Variants in CA10 observed in about 807,000 individuals in gnomAD.
The protein encoded by CA10 is carbonic anhydrase 10 (inactive), also known as carbonic anhydrase-related protein 10.
A neutral mutation model predicts 44.2 loss-of-function variants in CA10; 14 were observed. The observed-to-expected ratio is 0.32, with a 90% CI of 0.21 to 0.50. The LOEUF (loss-of-function observed/expected upper bound fraction) is 0.50, where lower values mean the gene tolerates loss of function less well. Among genes scored for constraint, CA10 ranks in the 20% least tolerant of loss-of-function variants. The pLI, the probability that CA10 is intolerant of heterozygous loss-of-function variation, is 0.99. For synonymous variants in CA10, 159 were observed against 141.6 expected, an observed-to-expected ratio of 1.12 and a Z score of -0.87; for missense variants, 350 against 409.7, an observed-to-expected ratio of 0.85 and a Z score of 1.26.
intron 3 of CA10, among the ~76,000 whole-genome samples, chr17:51,800,421 G>A (rs1266506643): frequency 1.3e-5 from 2 of 152,006 alleles, no homozygotes; most frequent in Non-Finnish European, 2.9e-5. Context: ...TCATGGTGGT[G>A]GTTGCACAAC....
intron 1 of CA10, among the ~76,000 whole-genome samples, chr17:52,112,639 T>C (rs1988810934): frequency 6.6e-6 from 1 of 152,220 alleles, no homozygotes; most frequent in Non-Finnish European, 1.5e-5. Flanking sequence ...ATGAACACTA[T>C]CTACCACTTA....
At chr17:51,720,932 G>A (rs759778053) in intron 4 of CA10, among the ~76,000 whole-genome samples, 1 of 152,146 alleles carries the variant, frequency 6.6e-6, no homozygotes, top group South Asian at 2.1e-4. Flanking sequence ...TGAGGTGATG[G>A]ATATGTCAAT....
At chr17:51,845,883 T>G (rs1978472577) in intron 3 of CA10, among the ~76,000 whole-genome samples, 2 of 152,202 alleles carry the variant, frequency 1.3e-5, no homozygotes, top group Non-Finnish European at 2.9e-5. Context: ...TGATCTGAAG[T>G]TTCTCATATT....
At chr17:51,705,929 G>A (rs527431144) in intron 4 of CA10, among the ~76,000 whole-genome samples, 1 of 152,156 alleles carries the variant, frequency 6.6e-6, no homozygotes, top group Non-Finnish European at 1.5e-5. Context: ...TGGTTAAGTA[G>A]TTGAAAAAGC....
intron 1 of CA10, among the ~76,000 whole-genome samples, chr17:52,115,916 ACT>A (rs2143299334): frequency 6.6e-6 from 1 of 152,130 alleles, no homozygotes; most frequent in African/African-American, 2.4e-5. Context: ...ACATGATGAA[ACT>A]CTGTCTCTAC....
In CA10 at chr17:52,081,472, T is replaced by C. The variant is rs1323111764; in HGVS notation, c.62-9079A>G. 3.3e-5 allele frequency among the ~76,000 whole-genome samples: 5 copies of C among 152,204 alleles called. No individual in the cohort carries two copies. The East Asian group carries it at 7.7e-4, about 24-fold the overall frequency. On this transcript the variant is annotated intron_variant, in intron 1 of 8. Coordinates refer to ENST00000451037, the MANE Select transcript of CA10 (RefSeq NM_020178.5). ...AGAGAAAGGTGGTGGTGGCTTCAACTAGGGCAGTGCTGGTGAAAATAGAAC... is the reference window on the plus strand; with the variant it reads ...AGAGAAAGGTGGTGGTGGCTTCAACCAGGGCAGTGCTGGTGAAAATAGAAC...
At chr17:52,026,219 C>T (rs1475043621) in intron 2 of CA10, among the ~76,000 whole-genome samples, 1 of 152,024 alleles carries the variant, frequency 6.6e-6, no homozygotes, top group Non-Finnish European at 1.5e-5. Context: ...GGTTAGGGGC[C>T]CCATGCAGCT....
intron 4 of CA10, among the ~76,000 whole-genome samples, chr17:51,729,721 G>A (rs1916651382): frequency 6.6e-6 from 1 of 152,132 alleles, no homozygotes; most frequent in Non-Finnish European, 1.5e-5. Context: ...CCTACCAGCT[G>A]GCATGAGTTA....
chr17:51,965,907 G>A (rs1984061752), intron 2 of CA10, among the ~76,000 whole-genome samples: 1 of 151,834 alleles, frequency 6.6e-6, no homozygotes, highest in Admixed American at 6.6e-5. Flanking sequence ...ATCCAAATAG[G>A]AAGAAAGGAA....
chr17:52,032,802 A>G (rs1180483654), intron 2 of CA10, among the ~76,000 whole-genome samples: 1 of 152,188 alleles, frequency 6.6e-6, no homozygotes, highest in African/African-American at 2.4e-5. Context: ...ATGGGCCAAC[A>G]TGGGATGTCA....
intron 1 of CA10, among the ~76,000 whole-genome samples, chr17:52,087,942 T>G (rs1472012580): frequency 6.6e-6 from 1 of 152,112 alleles, no homozygotes; most frequent in Admixed American, 6.5e-5. Context: ...AAAAGGATTT[T>G]AAAAGGAGCT....
At chr17:52,063,885 T>C (rs932836341) in intron 2 of CA10, among the ~76,000 whole-genome samples, 1 of 152,216 alleles carries the variant, frequency 6.6e-6, no homozygotes, top group African/African-American at 2.4e-5. Context: ...ACACACCCTC[T>C]AGTATGAGTG....
At chr17:51,917,055 C>G (rs1257519177) in intron 3 of CA10, among the ~76,000 whole-genome samples, 1 of 152,120 alleles carries the variant, frequency 6.6e-6, no homozygotes, top group African/African-American at 2.4e-5. Flanking sequence ...CACCTTTCTT[C>G]TGGGAATTGC....
intron 3 of CA10, among the ~76,000 whole-genome samples, chr17:51,854,279 G>C (rs1316363869): frequency 6.6e-6 from 1 of 152,194 alleles, no homozygotes; most frequent in Non-Finnish European, 1.5e-5. Context: ...CTTCACCCCT[G>C]CTGGACATTG....
At chr17:51,730,763 G>A (rs1001393397) in intron 4 of CA10, among the ~76,000 whole-genome samples, 2 of 152,146 alleles carry the variant, frequency 1.3e-5, no homozygotes, top group African/African-American at 4.8e-5. Flanking sequence ...AAAGCTATGT[G>A]TTTCTAACCT....
chr17:51,885,711 G>A (rs966486440), intron 3 of CA10, among the ~76,000 whole-genome samples: 2 of 152,170 alleles, frequency 1.3e-5, no homozygotes. Flanking sequence ...CATTCAACTG[G>A]GAGATCTTTC....
At chr17:51,683,688 G>C (rs952231501) in intron 4 of CA10, among the ~76,000 whole-genome samples, 1 of 152,186 alleles carries the variant, frequency 6.6e-6, no homozygotes, top group Non-Finnish European at 1.5e-5. Context: ...TGAAATAAAG[G>C]ATGAAAGGTG....
chr17:52,104,189 T>G (rs1317453923), intron 1 of CA10, among the ~76,000 whole-genome samples: 1 of 61,222 alleles, frequency 1.6e-5, no homozygotes, highest in African/African-American at 3.5e-5. Flanking sequence ...ACCTCCTGCC[T>G]TTTTTTTTTT....
intron 3 of CA10, among the ~76,000 whole-genome samples, chr17:51,844,220 T>C (rs750788153): frequency 1.4e-4 from 21 of 152,124 alleles, no homozygotes; most frequent in Non-Finnish European, 2.2e-4. Flanking sequence ...GAGAATGCCA[T>C]GAATCCCAAT....
Sources: gnomAD v4.1 joint callset for allele counts (sites outside exome capture counted in the v4.1 genomes callset) on GRCh38, gnomAD v4.1.1 for gene constraint, MANE v1.5 for transcripts, NCBI Gene and HGNC (gene_info 2026-07-23, HGNC 2026-07-21) for gene names.